PRKD3: variants seen among roughly 807,000 people sequenced by gnomAD.
PRKD3 encodes the protein protein kinase D3.
In PRKD3, 47 loss-of-function variants were observed where a neutral mutation model predicts 99.2. The ratio of observed to expected loss-of-function variants is 0.47; its 90% CI spans 0.38 to 0.60. The LOEUF is 0.60. Ranked by LOEUF, PRKD3 falls within the 20% of genes least tolerant of loss-of-function variation. PRKD3 has a pLI of 0.00. For missense variants in PRKD3, 1,019 were observed against 1,088.4 expected, an observed-to-expected ratio of 0.94 and a Z score of 0.90; for synonymous variants, 392 against 355.4, an observed-to-expected ratio of 1.10 and a Z score of -1.16.
intron 15 of PRKD3, among the ~76,000 whole-genome samples, chr2:37,259,930 C>G (rs1409065572): frequency 2.0e-5 from 3 of 152,070 alleles, no homozygotes; most frequent in African/African-American, 7.2e-5. Flanking sequence ...TTTGGGAGAC[C>G]TAGGCAGGTG....
At chr2:37,263,330 C>T (rs1668607803) in intron 14 of PRKD3, among the ~76,000 whole-genome samples, 1 of 152,116 alleles carries the variant, frequency 6.6e-6, no homozygotes, top group African/African-American at 2.4e-5. Context: ...TAATTTATTT[C>T]TGCTTTAATG....
chr2:37,267,408 GTTTTTTA>G lies in PRKD3; in HGVS notation c.1884+15_1884+21del, dbSNP rs773482411. 2.7e-6 allele frequency: 4 copies of G among 1,478,280 alleles called. No homozygotes were observed. Among genetic ancestry groups the G allele is most frequent in the East Asian group, 2.3e-5 (1 of 43,702 alleles). 91.6% of individuals were successfully genotyped at this position (1,478,280 alleles called of 1,614,324 possible). A position where few individuals can be genotyped will look rare whatever the true frequency, so the allele number is the denominator to read the frequency against. On this transcript the variant is annotated intron_variant, in intron 14 of 18. Coordinates refer to ENST00000234179, the MANE Select transcript of PRKD3 (RefSeq NM_005813.6). ...TCTTACCAGCCTCTTTAATAAACCA[GTTTTTTA>G]TTTTTTATTTTTACCTGTAAAATAG...
intron 9 of PRKD3, among the ~76,000 whole-genome samples, chr2:37,277,219 CA>C (rs1669616842): frequency 6.6e-6 from 1 of 152,158 alleles, no homozygotes; most frequent in Non-Finnish European, 1.5e-5. Flanking sequence ...AAGATCTTCT[CA>C]TATATTAACT....
intron 6 of PRKD3, among the ~76,000 whole-genome samples, chr2:37,285,135 T>G (rs114253800): frequency 0.14 from 21,682 of 152,118 alleles, 1,691 homozygotes; most frequent in South Asian, 0.26. Context: ...ATGAAAAAAG[T>G]ATATAAGATT....
chr2:37,257,406 C>CT (rs1305759603), intron 16 of PRKD3, among the ~76,000 whole-genome samples: 1 of 152,072 alleles, frequency 6.6e-6, no homozygotes, highest in African/African-American at 2.4e-5. Flanking sequence ...TGGCTCACAC[C>CT]TGTAATCCCA....
intron 2 of PRKD3, among the ~76,000 whole-genome samples, chr2:37,302,933 T>C (rs79403109): frequency 6.6e-6 from 1 of 152,048 alleles, no homozygotes; most frequent in Non-Finnish European, 1.5e-5. Context: ...AGAACTTCTA[T>C]CTCTGTTTGC....
rs1667644159 is a variant in PRKD3 at position 37,253,098 on chromosome 2, C to A, written c.*79G>T. 2 of 1,386,384 alleles carry A rather than the reference C, an allele frequency of 1.4e-6. No homozygotes were observed. The highest frequency in any genetic ancestry group is 4.1e-5 in the Admixed American group (2 of 48,770). The allele number at this position is 1,386,384 out of a possible 1,614,324, so 85.9% of individuals were successfully genotyped here. On this transcript the variant is annotated 3_prime_UTR_variant, in exon 19 of 19. Transcript: ENST00000234179. Reference sequence around the variant, plus strand: ...CATATCTTTGCAGCACTGCAGATGACAATCTACAAAGAACAAGTTACACAG... The same window carrying A: ...CATATCTTTGCAGCACTGCAGATGAAAATCTACAAAGAACAAGTTACACAG...
intron 1 of PRKD3, 114 bp from the exon 2 acceptor site, chr2:37,317,293 C>A (rs922305442): frequency 6.3e-6 from 2 of 317,382 alleles, no homozygotes; most frequent in African/African-American, 4.5e-5. Context: ...TTATAATTCA[C>A]TAATAAATCC....
Position 37,277,016 on chromosome 2 carries a change from AAC to A in PRKD3, c.1296+848_1296+849del, listed in dbSNP as rs200367203. Among the ~76,000 whole-genome samples the A allele has an allele frequency of 4.1e-3, 625 of 152,202 alleles. 6 individuals carry two copies. The highest frequency in any genetic ancestry group is 0.014 in the African/African-American group (596 of 41,550). ...TCGCAAGGATATGAACTATAAATAA[AAC>A]ACATACACACTGCAGTCTATACTGT... On this transcript the variant is annotated intron_variant, in intron 9 of 18. Transcript: ENST00000234179.
chr2:37,288,040 C>T (rs1670206314), intron 5 of PRKD3, among the ~76,000 whole-genome samples: 1 of 152,164 alleles, frequency 6.6e-6, no homozygotes, highest in Non-Finnish European at 1.5e-5. Context: ...CTTATACTTC[C>T]CTAAGGAGCT....
intron 2 of PRKD3, among the ~76,000 whole-genome samples, chr2:37,305,198 T>A (rs192449437): frequency 1.4e-4 from 21 of 152,234 alleles, no homozygotes; most frequent in African/African-American, 5.1e-4. Flanking sequence ...ACCTGAAAAT[T>A]ATACCCAATC....
chr2:37,261,615 T>C (rs1668460564), intron 14 of PRKD3, among the ~76,000 whole-genome samples: 1 of 149,712 alleles, frequency 6.7e-6, no homozygotes, highest in Non-Finnish European at 1.5e-5. Flanking sequence ...ACCTAGTCTC[T>C]ACTAAAAATA....
intron 18 of PRKD3, 139 bp downstream of exon 18, chr2:37,254,065 G>A (rs1667740774): frequency 7.8e-6 from 5 of 644,420 alleles, no homozygotes; most frequent in South Asian, 1.9e-5. Flanking sequence ...GGTTTCCAGA[G>A]ATTCAGCCAT....
intron 2 of PRKD3, among the ~76,000 whole-genome samples, chr2:37,308,812 T>C (rs2124886809): frequency 6.8e-6 from 1 of 147,994 alleles, no homozygotes; most frequent in East Asian, 2.3e-4. Flanking sequence ...TTAAAACTAG[T>C]TTTTTAAGCT....
Position 37,250,667 on chromosome 2 carries a change from T to C in PRKD3, c.*2510A>G, listed in dbSNP as rs1014422768. On this transcript the variant is annotated 3_prime_UTR_variant, in exon 19 of 19. Coordinates refer to ENST00000234179, the MANE Select transcript of PRKD3 (RefSeq NM_005813.6). ...CAACCAGGTCAAACTTTTCTTTGGA[T>C]ACTTATACTAGAAATAGGCTCAGGT... 5 of 152,192 alleles carry C rather than the reference T, an allele frequency of 3.3e-5. No homozygotes were observed. Among genetic ancestry groups the C allele is most frequent in the Non-Finnish European group, 7.4e-5 (5 of 68,014 alleles). The allele number at this position is 152,192 out of a possible 1,614,324, so 9.4% of individuals were successfully genotyped here. A position where few individuals can be genotyped will look rare whatever the true frequency, so the allele number is the denominator to read the frequency against.
rs1671654605 is a variant in PRKD3 at position 37,316,339 on chromosome 2, A to C, written c.186T>G (p.Phe62Leu). 1 of 1,614,138 alleles carries C rather than the reference A, an allele frequency of 6.2e-7. No individual in the cohort carries two copies. The highest frequency in any genetic ancestry group is 8.5e-7 in the Non-Finnish European group (1 of 1,180,056). Residue 62 changes from phenylalanine (F) to leucine (L), a missense_variant, in exon 2 of 19, where the codon TTT becomes TTG. Transcript: ENST00000234179. Reference protein sequence around the residue: ...NSRGSVHTVSFLLQIGLTRES... With the variant: ...NSRGSVHTVSLLLQIGLTRES... ...CCCGTGTGAGGCCAATTTGCAGTAG[A>C]AATGAAACTGTATGCACTGAGCCTC...
At chr2:37,269,194 G>A (rs1669051422) in intron 13 of PRKD3, 1 of 192,898 alleles carries the variant, frequency 5.2e-6, no homozygotes, top group African/African-American at 2.3e-5. Flanking sequence ...TCGCAAAGTT[G>A]GATTTCAGGT....
intron 12 of PRKD3, among the ~76,000 whole-genome samples, chr2:37,270,892 C>A (rs1168907332): frequency 2.0e-5 from 3 of 152,138 alleles, no homozygotes; most frequent in African/African-American, 7.2e-5. Context: ...AATTCTGAAT[C>A]CTTTTCCCCC....
At chr2:37,290,794 C>G in intron 4 of PRKD3, 74 bp downstream of exon 4, 2 of 1,452,580 alleles carry the variant, frequency 1.4e-6, no homozygotes, top group Non-Finnish European at 1.9e-6. Context: ...CGTCATCTTG[C>G]TTTTTCACTG....
Sources: gnomAD v4.1 joint callset for allele counts (sites outside exome capture counted in the v4.1 genomes callset) on GRCh38, gnomAD v4.1.1 for gene constraint, MANE v1.5 for transcripts, NCBI Gene and HGNC (gene_info 2026-07-23, HGNC 2026-07-21) for gene names.